The following MAPK8 variants were observed in gnomAD, a reference collection of about 807,000 sequenced individuals.
MAPK8 encodes the protein mitogen-activated protein kinase 8, also known as JUN N-terminal kinase.
In MAPK8, 13 loss-of-function variants were observed where a neutral mutation model predicts 52.9. The observed-to-expected ratio is 0.25, with a 90% CI of 0.16 to 0.39. The LOEUF (loss-of-function observed/expected upper bound fraction) is 0.39. Among genes scored for constraint, MAPK8 ranks in the 10% least tolerant of loss-of-function variants. MAPK8 has a pLI of 1.00. For synonymous variants in MAPK8, 191 were observed against 169.8 expected (o/e 1.12, Z -0.97); for missense variants, 300 against 519.2 (o/e 0.58, Z 4.10).
chr10:48,395,033 G>T (rs1368166061), intron 1 of MAPK8, among the ~76,000 whole-genome samples: 1 of 151,902 alleles, frequency 6.6e-6, no homozygotes, highest in East Asian at 1.9e-4. Context: ...ATGGAAACAA[G>T]TGTCATGTCT....
At position 48,416,858 on chromosome 10, in the gene MAPK8, TC is replaced by T. The variant is rs2043091458; in HGVS notation, c.451-3295del. On this transcript the variant is annotated intron_variant, in intron 5 of 11. Transcript: ENST00000374189. The stretch of plus-strand genomic sequence containing the variant: ...CTGTGGGAGAGTCATCTTTTTGCTA[TC>T]CTCATGAATATATCTAAAGTGGATA... Among the ~76,000 whole-genome samples, 3 of 152,294 alleles carry T rather than the reference TC, an allele frequency of 2.0e-5. 1 individual carries two copies. In the South Asian group the frequency reaches 6.2e-4, roughly 32 times the overall value.
rs879856364 is a variant in MAPK8, at chr10:48,306,705, C to T, written c.-166C>T. ...ACTCAGCCGAGCGGCCGAGGCCGGA[C>T]GACGCGGCTTGGATTGCGGAGCCGC... is the stretch of plus-strand genomic sequence containing the variant. On this transcript the variant is annotated 5_prime_UTR_variant, in exon 1 of 12. In the 5' UTR this introduces an upstream ATG that the reference lacks. Transcript: ENST00000374189. 2.6e-5 allele frequency: 4 copies of T among 151,476 alleles called. No individual in the cohort carries two copies. Among genetic ancestry groups the T allele is most frequent in the Admixed American group, 2.0e-4 (3 of 15,224 alleles). 9.4% of individuals were successfully genotyped at this position (151,476 alleles called of 1,614,324 possible).
chr10:48,343,730 A>C (rs1845516205), intron 1 of MAPK8, among the ~76,000 whole-genome samples: 1 of 152,190 alleles, frequency 6.6e-6, no homozygotes, highest in African/African-American at 2.4e-5. Flanking sequence ...TTTCTCTGTG[A>C]GATGGAATTA....
At chr10:48,372,276 C>A (rs1444628549) in intron 1 of MAPK8, among the ~76,000 whole-genome samples, 1 of 151,966 alleles carries the variant, frequency 6.6e-6, no homozygotes, top group African/African-American at 2.4e-5. Flanking sequence ...GAAACCAGCG[C>A]AAAAAGTCTG....
chr10:48,420,678 A>G (rs2043303858), intron 6 of MAPK8, among the ~76,000 whole-genome samples: 1 of 152,204 alleles, frequency 6.6e-6, no homozygotes, highest in Non-Finnish European at 1.5e-5. Context: ...ATTAGTGTAC[A>G]TCAGTGATAT....
intron 1 of MAPK8, among the ~76,000 whole-genome samples, chr10:48,355,564 CAAAA>C (rs964050886): frequency 6.7e-6 from 1 of 149,524 alleles, no homozygotes; most frequent in African/African-American, 2.5e-5. Flanking sequence ...TATATAAACT[CAAAA>C]AAGGAAATAA....
intron 1 of MAPK8, among the ~76,000 whole-genome samples, chr10:48,356,841 CAAAAAAAAAAAAAAAAAAAAAAAAA>C (rs869186711): frequency 2.3e-4 from 7 of 30,278 alleles, no homozygotes; most frequent in East Asian, 2.2e-3. Flanking sequence ...GACTCCGTCT[CAAAAAAAAAAAAAAAAAAAAAAAAA>C]AAAAAAAAAA....
At chr10:48,385,490 C>T (rs1012373392) in intron 1 of MAPK8, among the ~76,000 whole-genome samples, 9 of 152,130 alleles carry the variant, frequency 5.9e-5, no homozygotes, top group African/African-American at 1.9e-4. Flanking sequence ...TCGTAAATCC[C>T]TTTTGTAGAG....
chr10:48,370,652 C>T (rs1054851643), intron 1 of MAPK8, among the ~76,000 whole-genome samples: 98 of 152,174 alleles, frequency 6.4e-4, no homozygotes, highest in African/African-American at 2.2e-3. Context: ...GGACCAATAG[C>T]GTCTTAGGAG....
chr10:48,435,057 GA>G lies in MAPK8; in HGVS notation c.*29del. 6 of 421,622 alleles carry G rather than the reference GA, an allele frequency of 1.4e-5. No individual in the cohort carries two copies. Among genetic ancestry groups the G allele is most frequent in the Non-Finnish European group, 2.3e-5 (5 of 213,332 alleles). The allele number at this position is 421,622 out of a possible 1,614,324, so 26.1% of individuals were successfully genotyped here. The stretch of plus-strand genomic sequence containing the variant: ...ACTTGGGCCATCGGGGGGTGGGAGG[GA>G]TGGGGAGTCGGTTAGTCATTGATAG... On this transcript the variant is annotated 3_prime_UTR_variant, in exon 12 of 12. Coordinates refer to ENST00000374189, the MANE Select transcript of MAPK8 (RefSeq NM_001323329.2).
In MAPK8 at chr10:48,426,388, G is replaced by A; in HGVS notation, c.880G>A (p.Ala294Thr). ...CACCATTATGTTTGCAGCCAGTCAG[G>A]CAAGGGATTTGTTATCCAAAATGCT... The part of the protein sequence containing the change: ...SEHNKLKASQ[A>T]RDLLSKMLVI... Residue 294 changes from alanine (A) to threonine (T), a missense_variant, in exon 9 of 12, where the codon GCA becomes ACA. Physicochemically the swap from Ala to Thr is moderately conservative, Grantham distance 58. This residue lies in a region of MAPK8 where 147 missense variants were observed against 328.1 expected (regional missense o/e 0.45). Coordinates refer to ENST00000374189, the MANE Select transcript of MAPK8 (RefSeq NM_001323329.2). The A allele has an allele frequency of 1.2e-6, 2 of 1,607,500 alleles. No individual in the cohort carries two copies. Among genetic ancestry groups the A allele is most frequent in the Non-Finnish European group, 1.7e-6 (2 of 1,177,742 alleles).
At position 48,306,728 on chromosome 10, in the gene MAPK8, C is replaced by G. The variant is rs1456804340; in HGVS notation, c.-143C>G. On this transcript the variant is annotated 5_prime_UTR_variant, in exon 1 of 12. Coordinates refer to ENST00000374189, the MANE Select transcript of MAPK8 (RefSeq NM_001323329.2). ...GACGACGCGGCTTGGATTGCGGAGCCGCGAGCAGCGCTGGGTAACGGCCGC... is the reference window on the plus strand; with the variant it reads ...GACGACGCGGCTTGGATTGCGGAGCGGCGAGCAGCGCTGGGTAACGGCCGC... The G allele has an allele frequency of 6.6e-6, 1 of 151,498 alleles. No homozygotes were observed. Among genetic ancestry groups the G allele is most frequent in the South Asian group, 2.1e-4 (1 of 4,832 alleles). The allele number at this position is 151,498 out of a possible 1,614,324, so 9.4% of individuals were successfully genotyped here.
At chr10:48,314,308 T>C (rs951585005) in intron 1 of MAPK8, among the ~76,000 whole-genome samples, 5 of 152,004 alleles carry the variant, frequency 3.3e-5, no homozygotes, top group African/African-American at 9.7e-5. Context: ...TGACCTAATA[T>C]AGTCATGAGA....
rs113139605 is a variant in MAPK8, at chr10:48,367,453, G to T, written c.-49-34159G>T. On this transcript the variant is annotated intron_variant, in intron 1 of 11. Transcript: ENST00000374189. The stretch of plus-strand genomic sequence containing the variant: ...TAAATTTCAAGTTAATTGTTTAAAG[G>T]ATGTCATTAACCAAAACTAAGCATC... Among the ~76,000 whole-genome samples the T allele has an allele frequency of 3.0e-3, 451 of 151,446 alleles. 4 individuals carry two copies. Among genetic ancestry groups the T allele is most frequent in the African/African-American group, 0.011 (439 of 41,364 alleles).
At chr10:48,356,224 G>A (rs868528529) in intron 1 of MAPK8, among the ~76,000 whole-genome samples, 4 of 152,126 alleles carry the variant, frequency 2.6e-5, no homozygotes, top group Middle Eastern at 3.2e-3. Context: ...GTCAATGATA[G>A]CACGTAAGTC....
At chr10:48,341,096 A>G (rs1004681024) in intron 1 of MAPK8, among the ~76,000 whole-genome samples, 9 of 152,360 alleles carry the variant, frequency 5.9e-5, no homozygotes, top group East Asian at 1.9e-4. Flanking sequence ...TTACTCTACC[A>G]TGTTAGAAGC....
At chr10:48,415,000 C>A (rs953224697) in intron 5 of MAPK8, among the ~76,000 whole-genome samples, 3 of 152,028 alleles carry the variant, frequency 2.0e-5, no homozygotes, top group Non-Finnish European at 4.4e-5. Context: ...CAGTATAAGA[C>A]AATTATGTCT....
chr10:48,349,039 A>G (rs1325376031), intron 1 of MAPK8, among the ~76,000 whole-genome samples: 1 of 152,164 alleles, frequency 6.6e-6, no homozygotes, highest in Non-Finnish European at 1.5e-5. Context: ...GAAGGGCATT[A>G]TATAATGGTA....
At chr10:48,325,868 T>C (rs1175740255) in intron 1 of MAPK8, 1 of 152,196 alleles carries the variant, frequency 6.6e-6, no homozygotes, top group African/African-American at 2.4e-5. Flanking sequence ...TACCGTTTTA[T>C]TGGAATTTGA....
Sources: gnomAD v4.1 joint callset for allele counts (sites outside exome capture counted in the v4.1 genomes callset) on GRCh38, gnomAD v4.1.1 for gene constraint, gnomAD v4.1.1 regional missense constraint, MANE v1.5 for transcripts, NCBI Gene and HGNC (gene_info 2026-07-23, HGNC 2026-07-21) for gene names.